The following DNAH9 variants were observed in gnomAD, a reference collection of about 807,000 sequenced individuals.
DNAH9 encodes the protein DNAH9 variant protein.
A neutral mutation model predicts 471.6 loss-of-function variants in DNAH9; 345 were observed. That is an observed-to-expected ratio of 0.73 (90% CI 0.67 to 0.80). The LOEUF (loss-of-function observed/expected upper bound fraction) is 0.80, where lower values mean the gene tolerates loss of function less well. DNAH9 is among the 30% of genes least tolerant of loss of function. The pLI, the probability that DNAH9 is intolerant of heterozygous loss-of-function variation, is 0.00. For synonymous variants in DNAH9, 2,093 were observed against 2,123.6 expected (o/e 0.99, Z 0.40); for missense variants, 5,407 against 5,609.2 (o/e 0.96, Z 1.15).
At chr17:11,848,922 T>C (rs1255748051) in intron 49 of DNAH9, among the ~76,000 whole-genome samples, 2 of 151,912 alleles carry the variant, frequency 1.3e-5, no homozygotes, top group Non-Finnish European at 2.9e-5. Context: ...CTGCAAGCTC[T>C]GCCTCCCGGG....
chr17:11,956,966 T>G (rs541633860), intron 67 of DNAH9, among the ~76,000 whole-genome samples: 42 of 151,680 alleles, frequency 2.8e-4, no homozygotes, highest in Non-Finnish European at 4.4e-4. Flanking sequence ...ATTATAAAAC[T>G]TTATGAAACC....
intron 67 of DNAH9, among the ~76,000 whole-genome samples, chr17:11,948,557 G>A (rs1349511334): frequency 2.0e-5 from 3 of 152,156 alleles, no homozygotes; most frequent in Non-Finnish European, 2.9e-5. Context: ...CTGATGCACT[G>A]TGTGTTGACT....
rs931863644 is a variant in DNAH9 at position 11,822,733 on chromosome 17, AG to A, written c.9013-64del. 1.8e-5 allele frequency: 28 copies of A among 1,590,110 alleles called. No individual in the cohort carries two copies. The African/African-American group carries it at 3.5e-4, about 20-fold the overall frequency. ...ACATGGTGGAGGAATGGCTGGGGTGAGGGGTGAGCAGTTGCCTCCAATCTTC... is the reference window on the plus strand; with the variant it reads ...ACATGGTGGAGGAATGGCTGGGGTGAGGGTGAGCAGTTGCCTCCAATCTTC... On this transcript the variant is annotated intron_variant, in intron 47 of 68. Coordinates refer to ENST00000262442, the MANE Select transcript of DNAH9 (RefSeq NM_001372.4).
chr17:11,693,887 G>T lies in DNAH9; in HGVS notation c.4634G>T (p.Gly1545Val), dbSNP rs2074381859. ...QLPQDSKRFE[G>V]IDIDFKELAY... ...TTGCAGGATTCTAAAAGGTTTGAAG[G>T]CATCGACATTGACTTTAAAGAGCTA... Residue 1545 changes from glycine to valine, a missense_variant, in exon 21 of 69, where the codon GGC (glycine) becomes GTC (valine). Gly to Val is a moderately radical substitution (Grantham distance 109). This residue lies in a region of DNAH9 where 4,636 missense variants were observed against 4,900.3 expected (regional missense o/e 0.95). Coordinates refer to ENST00000262442, the MANE Select transcript of DNAH9 (RefSeq NM_001372.4). 6.2e-7 allele frequency: 1 copy of T among 1,614,090 alleles called. No individual in the cohort carries two copies. The highest frequency in any genetic ancestry group is 8.5e-7 in the Non-Finnish European group (1 of 1,179,994).
intron 26 of DNAH9, among the ~76,000 whole-genome samples, chr17:11,709,721 A>G (rs1307240398): frequency 6.6e-6 from 1 of 152,224 alleles, no homozygotes; most frequent in Non-Finnish European, 1.5e-5. Context: ...CAGGCTGAAC[A>G]AAAGCAATTC....
At chr17:11,846,612 G>T (rs1398327109) in intron 49 of DNAH9, among the ~76,000 whole-genome samples, 2 of 144,304 alleles carry the variant, frequency 1.4e-5, no homozygotes, top group African/African-American at 5.1e-5. Context: ...CCATTTTCAC[G>T]ATATTGATTC....
chr17:11,906,687 A>G (rs1345399223), intron 61 of DNAH9, among the ~76,000 whole-genome samples: 2 of 152,126 alleles, frequency 1.3e-5, no homozygotes, highest in Non-Finnish European at 2.9e-5. Flanking sequence ...CTATGCAGCC[A>G]TAAAAAGGAA....
chr17:11,599,933 C>T (rs1470465040), intron 1 of DNAH9, among the ~76,000 whole-genome samples: 1 of 152,094 alleles, frequency 6.6e-6, no homozygotes, highest in Non-Finnish European at 1.5e-5. Flanking sequence ...ACTTTTAAGA[C>T]TGGGGTGAGG....
rs192936836 is a variant in DNAH9 at position 11,817,216 on chromosome 17, C to A, written c.8708-4704C>A. On this transcript the variant is annotated intron_variant, in intron 45 of 68. Coordinates refer to ENST00000262442, the MANE Select transcript of DNAH9 (RefSeq NM_001372.4). ...ACTACCTACATCACAAAACAAGTGA[C>A]GAGAATATTGTCAAGAAGGAATTAT... Among the ~76,000 whole-genome samples, 66 of 152,168 alleles carry A rather than the reference C, an allele frequency of 4.3e-4. 1 individual carries two copies. The highest frequency in any genetic ancestry group is 1.4e-3 in the African/African-American group (59 of 41,510).
chr17:11,807,147 C>T (rs1597673696), intron 43 of DNAH9, among the ~76,000 whole-genome samples: 1 of 152,120 alleles, frequency 6.6e-6, no homozygotes, highest in East Asian at 1.9e-4. Flanking sequence ...TAATAAGAAC[C>T]CACAAACCTT....
At chr17:11,906,557 G>A (rs1294977398) in intron 61 of DNAH9, among the ~76,000 whole-genome samples, 3 of 151,182 alleles carry the variant, frequency 2.0e-5, no homozygotes, top group Non-Finnish European at 2.9e-5. Flanking sequence ...AACCTGGGAG[G>A]CAGAGGTTGC....
intron 14 of DNAH9, among the ~76,000 whole-genome samples, chr17:11,662,772 T>TG (rs2073793617): frequency 7.0e-6 from 1 of 142,082 alleles, no homozygotes; most frequent in Non-Finnish European, 1.5e-5. Flanking sequence ...TTTTTTTTTT[T>TG]TGAGACGGAG....
At chr17:11,868,993 G>T (rs1171733066) in intron 50 of DNAH9, 141 bp from the exon 51 acceptor site, 4 of 998,858 alleles carry the variant, frequency 4.0e-6, no homozygotes, top group South Asian at 3.6e-5. Flanking sequence ...TTCGTTCTCT[G>T]CCCTGCTTTC....
At chr17:11,927,791 T>C (rs1168165232) in intron 62 of DNAH9, among the ~76,000 whole-genome samples, 1 of 152,178 alleles carries the variant, frequency 6.6e-6, no homozygotes, top group African/African-American at 2.4e-5. Context: ...CCCAAGCCCA[T>C]CAACCCTGTG....
chr17:11,822,109 C>A (rs761292330), intron 46 of DNAH9, 47 bp downstream of exon 46: 6 of 1,577,210 alleles, frequency 3.8e-6, no homozygotes, highest in Non-Finnish European at 5.2e-6. Context: ...CGAGATGATT[C>A]ATGGGAGCTT....
At chr17:11,728,526 T>TAAAAAA (rs1295865097) in intron 28 of DNAH9, among the ~76,000 whole-genome samples, 1 of 20,912 alleles carries the variant, frequency 4.8e-5, no homozygotes, top group African/African-American at 6.7e-5. Context: ...ATCTCTGACC[T>TAAAAAA]AAAAAAAAAA....
At chr17:11,608,408 G>A in intron 2 of DNAH9, 83 bp downstream of exon 2, 1 of 1,105,968 alleles carries the variant, frequency 9.0e-7, no homozygotes, top group Middle Eastern at 2.6e-4. Flanking sequence ...CAACTTTTCT[G>A]TTCCTGACTC....
At chr17:11,680,989 A>T in intron 19 of DNAH9, 100 bp downstream of exon 19, 2 of 1,127,074 alleles carry the variant, frequency 1.8e-6, no homozygotes, top group Non-Finnish European at 2.5e-6. Context: ...CAGCAGCTGC[A>T]GACCAGTTAA....
In DNAH9 at chr17:11,873,757, G is replaced by A. The variant is rs1972367345; in HGVS notation, c.10243-1192G>A. ...CGAGCTGGGGGTAGACAGAAATTGC[G>A]GGGGCTGTTGAATGAGTATGGGATT... is the stretch of plus-strand genomic sequence containing the variant. On this transcript the variant is annotated intron_variant, in intron 52 of 68. Transcript: ENST00000262442. 2.7e-5 allele frequency among the ~76,000 whole-genome samples: 4 copies of A among 148,414 alleles called. No homozygotes were observed. The South Asian group carries it at 6.5e-4, about 24-fold the overall frequency.
Sources: gnomAD v4.1 joint callset for allele counts (sites outside exome capture counted in the v4.1 genomes callset) on GRCh38, gnomAD v4.1.1 for gene constraint, gnomAD v4.1.1 regional missense constraint, MANE v1.5 for transcripts, NCBI Gene and HGNC (gene_info 2026-07-23, HGNC 2026-07-21) for gene names.